CIMAP1D: variants seen among roughly 807,000 people sequenced by gnomAD.
The protein encoded by CIMAP1D is protein CIMAP1D.
At chr19:488,396 C>T in the CIMAP1D span, among the ~76,000 whole-genome samples, 13 of 152,296 alleles carry the variant, frequency 8.5e-5, no homozygotes, top group East Asian at 2.5e-3. Context: ...GTGGCAGGCG[C>T]CTGTAGTCCC....
At chr19:487,771 C>T in the CIMAP1D span, among the ~76,000 whole-genome samples, 2 of 152,144 alleles carry the variant, frequency 1.3e-5, no homozygotes, top group Admixed American at 1.3e-4. Context: ...GAGACCATCC[C>T]TCATATTGTC....
chr19:487,912 G>A, the CIMAP1D span, among the ~76,000 whole-genome samples: 8 of 152,314 alleles, frequency 5.3e-5, no homozygotes, highest in African/African-American at 1.9e-4. Flanking sequence ...ACTGGGTTAC[G>A]TTATCTATAG....
At chr19:463,559 G>A in the CIMAP1D span, 1 of 494,740 alleles carries the variant, frequency 2.0e-6, no homozygotes, top group East Asian at 3.7e-5. Context: ...CTACTGGGGA[G>A]GGCCGGAAGG....
At chr19:464,132 G>C in the CIMAP1D span, 1 of 577,750 alleles carries the variant, frequency 1.7e-6, no homozygotes, top group Non-Finnish European at 2.9e-6. Context: ...GATCCTGCGG[G>C]GGGCGGGCGG....
the CIMAP1D span, among the ~76,000 whole-genome samples, chr19:487,318 G>C: frequency 1.3e-5 from 2 of 152,138 alleles, no homozygotes; most frequent in Non-Finnish European, 2.9e-5. Context: ...TGGAGAGCCA[G>C]CTGTTCAACA....
the CIMAP1D span, among the ~76,000 whole-genome samples, chr19:488,370 C>A: frequency 2.0e-5 from 3 of 148,838 alleles, no homozygotes; most frequent in African/African-American, 5.0e-5. Flanking sequence ...AAAATACAAA[C>A]AATTAGCCGG....
At chr19:488,780 G>A in the CIMAP1D span, among the ~76,000 whole-genome samples, 4 of 152,210 alleles carry the variant, frequency 2.6e-5, no homozygotes, top group African/African-American at 7.2e-5. Flanking sequence ...TCCGCCCGGG[G>A]ACACCAGGCT....
chr19:489,047 C>T, the CIMAP1D span: 1 of 152,256 alleles, frequency 6.6e-6, no homozygotes, highest in South Asian at 2.1e-4. Context: ...GCCTTGTGGG[C>T]CACACGCCCC....
chr19:467,560 G>A, the CIMAP1D span: 1 of 870,772 alleles, frequency 1.1e-6, no homozygotes, highest in Non-Finnish European at 2.0e-6. Flanking sequence ...AGAACTCCAA[G>A]GATAAGAGGG....
chr19:488,699 C>T, the CIMAP1D span, among the ~76,000 whole-genome samples: 1 of 152,246 alleles, frequency 6.6e-6, no homozygotes, highest in South Asian at 2.1e-4. Context: ...ACCTGGATCC[C>T]CGACCGGGCC....
the CIMAP1D span, among the ~76,000 whole-genome samples, chr19:477,263 G>A: frequency 6.6e-6 from 1 of 152,166 alleles, no homozygotes; most frequent in African/African-American, 2.4e-5. Context: ...AGAAATCCAT[G>A]AAATTGAAAA....
the CIMAP1D span, among the ~76,000 whole-genome samples, chr19:491,095 CAAA>C: frequency 1.7e-5 from 2 of 115,038 alleles, no homozygotes; most frequent in African/African-American, 3.3e-5. Flanking sequence ...GGCTTTGTCT[CAAA>C]AAAAAAAAAA....
chr19:486,069 C>G, the CIMAP1D span, among the ~76,000 whole-genome samples: 2 of 152,214 alleles, frequency 1.3e-5, no homozygotes, highest in African/African-American at 4.8e-5. Flanking sequence ...CCAGAGAGAG[C>G]CTGCTGTCCC....
At chr19:485,973 C>T in the CIMAP1D span, among the ~76,000 whole-genome samples, 1 of 152,234 alleles carries the variant, frequency 6.6e-6, no homozygotes, top group Non-Finnish European at 1.5e-5. Context: ...TGCTGCCCGC[C>T]CCTTTGTTCC....
At chr19:466,129 G>GTGGA in the CIMAP1D span, among the ~76,000 whole-genome samples, 1 of 142,866 alleles carries the variant, frequency 7.0e-6, no homozygotes. Flanking sequence ...GGGTGGGTGG[G>GTGGA]TGGATGGATG....
chr19:467,705 C>T, the CIMAP1D span: 19 of 1,611,914 alleles, frequency 1.2e-5, no homozygotes, highest in Non-Finnish European at 1.5e-5. Flanking sequence ...GCGGCCAAAG[C>T]GTGTGACTTT....
chr19:480,383 T>A, the CIMAP1D span, among the ~76,000 whole-genome samples: 15 of 151,994 alleles, frequency 9.9e-5, no homozygotes, highest in Admixed American at 4.6e-4. Flanking sequence ...GAGCAAAACG[T>A]GGGCGGTGCC....
the CIMAP1D span, among the ~76,000 whole-genome samples, chr19:465,302 G>A: frequency 0.8 from 105,562 of 131,142 alleles, 42,261 homozygotes; most frequent in East Asian, 0.97. Flanking sequence ...GTGGATGGGG[G>A]ATGGATGGAT....
At chr19:483,957 A>G in the CIMAP1D span, among the ~76,000 whole-genome samples, 1 of 152,088 alleles carries the variant, frequency 6.6e-6, no homozygotes, top group Admixed American at 6.6e-5. Flanking sequence ...CTGTGAGATC[A>G]GTCCTGGTGT....
Sources: allele counts gnomAD v4.1 joint callset (sites outside exome capture counted in the v4.1 genomes callset), GRCh38; gene constraint gnomAD v4.1.1; transcripts MANE v1.5; gene names NCBI Gene and HGNC (gene_info 2026-07-23, HGNC 2026-07-21).